Variants in CLN8 observed in about 807,000 individuals in gnomAD.
The protein encoded by CLN8 is CLN8 transmembrane ER and ERGIC protein, also known as protein CLN8.
In CLN8, 14 loss-of-function variants were observed where a neutral mutation model predicts 15.7. That is an observed-to-expected ratio of 0.89 (90% CI 0.59 to 1.39). The LOEUF (loss-of-function observed/expected upper bound fraction) is 1.39, where lower values mean the gene tolerates loss of function less well. Among genes scored for constraint, CLN8 ranks in the 40% most tolerant of loss-of-function variants. The pLI, the probability that CLN8 is intolerant of heterozygous loss-of-function variation, is 0.00. For missense variants in CLN8, 415 were observed against 364.0 expected, an observed-to-expected ratio of 1.14 and a Z score of -1.14; for synonymous variants, 188 against 151.0, an observed-to-expected ratio of 1.25 and a Z score of -1.80.
At chr8:1,775,683 C>T (rs1801483707) in intron 2 of CLN8, among the ~76,000 whole-genome samples, 1 of 152,286 alleles carries the variant, frequency 6.6e-6, no homozygotes, top group East Asian at 1.9e-4. Context: ...AGACTGAGCT[C>T]GCGAGAGTCT....
At chr8:1,760,876 G>T (rs756843824), upstream of CLN8, among the ~76,000 whole-genome samples, 15 of 152,208 alleles carry the variant, frequency 9.9e-5, no homozygotes, top group Non-Finnish European at 1.9e-4. Flanking sequence ...AAGGCATCTT[G>T]TATCAATGTA....
In CLN8 at chr8:1,783,328, A is replaced by G. The variant is rs1012707647; in HGVS notation, c.*2761A>G. On this transcript the variant is annotated 3_prime_UTR_variant, in exon 3 of 3. Transcript: ENST00000331222. ...CAAGTGTTAAACGAGGTGAGTTCAC[A>G]TAACAGGAATTCTGGAACTGCTTGA... 6.6e-6 allele frequency: 1 copy of G among 152,244 alleles called. No homozygotes were observed. The highest frequency in any genetic ancestry group is 1.5e-5 in the Non-Finnish European group (1 of 68,046). 9.4% of individuals were successfully genotyped at this position (152,244 alleles called of 1,614,324 possible). A position where few individuals can be genotyped will look rare whatever the true frequency, so the allele number is the denominator to read the frequency against.
intron 1 of CLN8, among the ~76,000 whole-genome samples, chr8:1,769,866 G>C (rs939943585): frequency 1.3e-5 from 2 of 152,200 alleles, no homozygotes; most frequent in African/African-American, 4.8e-5. Flanking sequence ...TGGAAGGCAG[G>C]TGTGGTCTGT....
intron 1 of CLN8, among the ~76,000 whole-genome samples, chr8:1,757,214 C>G (rs1034213697): frequency 4.6e-5 from 7 of 152,176 alleles, no homozygotes; most frequent in African/African-American, 1.7e-4. Context: ...TGGGCCATTG[C>G]CGTGGGGCTG....
intron 2 of CLN8, among the ~76,000 whole-genome samples, chr8:1,779,617 C>G (rs989217656): frequency 3.9e-5 from 6 of 152,208 alleles, no homozygotes; most frequent in African/African-American, 7.2e-5. Flanking sequence ...CTGCCATAGA[C>G]TAGGCAGCTG....
upstream of CLN8, chr8:1,762,825 C>T (rs911795471): frequency 2.0e-5 from 3 of 152,284 alleles, no homozygotes; most frequent in Non-Finnish European, 4.4e-5. Context: ...GCGGGGCGGA[C>T]AATCCCAGTG....
chr8:1,779,661 G>T lies in CLN8; in HGVS notation c.544-589G>T, dbSNP rs573373305. On this transcript the variant is annotated intron_variant, in intron 2 of 2. Transcript: ENST00000331222. The stretch of plus-strand genomic sequence containing the variant: ...GAAATTCCTTTCTCACAGTTTTGGA[G>T]GCTGCAAGTCTGAGATCAAGGCACC... 5.9e-5 allele frequency among the ~76,000 whole-genome samples: 9 copies of T among 152,362 alleles called. No individual in the cohort carries two copies. The South Asian group carries it at 1.2e-3, about 21-fold the overall frequency.
chr8:1,776,633 TG>T (rs929395870), intron 2 of CLN8, among the ~76,000 whole-genome samples: 4 of 152,240 alleles, frequency 2.6e-5, no homozygotes, highest in Admixed American at 2.6e-4. Flanking sequence ...GTCTTTCCTT[TG>T]GTTTTTGTCA....
intron 2 of CLN8, among the ~76,000 whole-genome samples, chr8:1,776,708 C>T (rs1273660538): frequency 1.3e-5 from 2 of 152,224 alleles, no homozygotes; most frequent in African/African-American, 4.8e-5. Flanking sequence ...AGGAAAACAG[C>T]GTGTGAGACT....
Position 1,784,058 on chromosome 8 carries a change from G to C in CLN8, c.*3491G>C, listed in dbSNP as rs10089222. ...CCCAGCACTTTGGGAGGCCGAGGCG[G>C]GTGGATCATTTGAGGTCAGGAGTTT... On this transcript the variant is annotated 3_prime_UTR_variant, in exon 3 of 3. Transcript: ENST00000331222. The C allele has an allele frequency of 0.72, 108,903 of 152,118 alleles. 39,237 individuals are homozygous for C. The highest frequency in any genetic ancestry group is 0.78 in the South Asian group (3,756 of 4,824). The allele number at this position is 152,118 out of a possible 1,614,324, so 9.4% of individuals were successfully genotyped here.
At chr8:1,780,129 T>G in intron 2 of CLN8, 121 bp from the exon 3 acceptor site, 1 of 1,563,830 alleles carries the variant, frequency 6.4e-7, no homozygotes, top group Non-Finnish European at 8.6e-7. Flanking sequence ...GAGGAAATTC[T>G]TTTGCTTTGA....
At chr8:1,772,819 A>T (rs1008747936) in intron 2 of CLN8, 1 of 394,924 alleles carries the variant, frequency 2.5e-6, no homozygotes, top group African/African-American at 2.1e-5. Flanking sequence ...ATCTTTTATG[A>T]CCCATCACAT....
chr8:1,771,507 C>G lies in CLN8; in HGVS notation c.453C>G (p.Val151=), dbSNP rs1801304769. 1.2e-6 allele frequency: 2 copies of G among 1,614,148 alleles called. No individual in the cohort carries two copies. Among genetic ancestry groups the G allele is most frequent in the Non-Finnish European group, 1.7e-6 (2 of 1,179,980 alleles). The change falls in exon 2 of 3, where the codon GTC becomes GTG. Residue 151 remains valine (V), a synonymous_variant. Coordinates refer to ENST00000331222, the MANE Select transcript of CLN8 (RefSeq NM_018941.4). ...TTCTTGGGTTTCTTGGCTGCTTGGT[C>G]AATCTCCAAGCTGGCCACTATCTAG... ...FAFLGFLGCL[V]NLQAGHYLAM...
chr8:1,775,447 A>G (rs116948831), intron 2 of CLN8, among the ~76,000 whole-genome samples: 4,764 of 152,268 alleles, frequency 0.031, 107 homozygotes, highest in Non-Finnish European at 0.047. Context: ...GTTCCTGTAG[A>G]TTTTGCTACT....
chr8:1,760,472 A>G (rs1470026049), upstream of CLN8: 1 of 152,192 alleles, frequency 6.6e-6, no homozygotes, highest in Non-Finnish European at 1.5e-5. Context: ...TACTGGTTAT[A>G]CCTGTGATCA....
At chr8:1,769,207 A>G (rs1273755617) in intron 1 of CLN8, among the ~76,000 whole-genome samples, 2 of 152,236 alleles carry the variant, frequency 1.3e-5, no homozygotes, top group Non-Finnish European at 2.9e-5. Context: ...GCAAGAGGTT[A>G]GGAGTGATCA....
upstream of CLN8, among the ~76,000 whole-genome samples, chr8:1,761,483 C>G (rs1019149702): frequency 4.6e-5 from 7 of 152,194 alleles, no homozygotes; most frequent in Non-Finnish European, 1.0e-4. Context: ...CACCACCACG[C>G]CTGGCTAATT....
intron 1 of CLN8, among the ~76,000 whole-genome samples, chr8:1,769,462 G>A (rs1054361725): frequency 4.6e-5 from 7 of 152,146 alleles, no homozygotes; most frequent in African/African-American, 1.7e-4. Context: ...AGCTGCGTGG[G>A]GAGTGTGGTG....
intron 2 of CLN8, among the ~76,000 whole-genome samples, chr8:1,779,643 C>G (rs933951861): frequency 1.3e-5 from 2 of 152,370 alleles, no homozygotes; most frequent in Admixed American, 1.3e-4. Context: ...GCAGAAATTC[C>G]TTTCTCACAG....
Sources: gnomAD v4.1 joint callset for allele counts (sites outside exome capture counted in the v4.1 genomes callset) on GRCh38, gnomAD v4.1.1 for gene constraint, MANE v1.5 for transcripts, NCBI Gene and HGNC (gene_info 2026-07-23, HGNC 2026-07-21) for gene names.